The following SLC12A2 variants were observed in gnomAD, a reference collection of about 807,000 sequenced individuals.
SLC12A2 encodes Na-K-2Cl cotransporter 1.
A neutral mutation model predicts 136.3 loss-of-function variants in SLC12A2; 67 were observed. The ratio of observed to expected loss-of-function variants is 0.49; its 90% CI spans 0.40 to 0.60. The LOEUF is 0.60. Among genes scored for constraint, SLC12A2 ranks in the 20% least tolerant of loss-of-function variants. SLC12A2 has a pLI of 0.00. For missense variants in SLC12A2, 1,322 were observed against 1,534.7 expected, an observed-to-expected ratio of 0.86 and a Z score of 2.32; for synonymous variants, 619 against 562.9, an observed-to-expected ratio of 1.10 and a Z score of -1.41.
At chr5:128,147,010 A>G (rs1762549341) in intron 10 of SLC12A2, among the ~76,000 whole-genome samples, 1 of 151,690 alleles carries the variant, frequency 6.6e-6, no homozygotes, top group East Asian at 1.9e-4. Context: ...AAAATAATAA[A>G]AGGAAAAGGA....
intron 10 of SLC12A2, among the ~76,000 whole-genome samples, chr5:128,142,334 G>A (rs1245269642): frequency 6.6e-6 from 1 of 151,986 alleles, no homozygotes; most frequent in African/African-American, 2.4e-5. Flanking sequence ...AACTCCTGAC[G>A]TCAAGTGATC....
intron 10 of SLC12A2, among the ~76,000 whole-genome samples, chr5:128,145,811 T>TAGAAAC (rs1762514313): frequency 6.6e-6 from 1 of 152,026 alleles, no homozygotes; most frequent in African/African-American, 2.4e-5. Context: ...AAGTGTGTGA[T>TAGAAAC]AGAAACAGCT....
chr5:128,148,730 C>A, intron 11 of SLC12A2, 24 bp from the exon 12 acceptor site: 12 of 1,550,902 alleles, frequency 7.7e-6, no homozygotes, highest in Non-Finnish European at 1.0e-5. Flanking sequence ...TAATATGTTT[C>A]ATTTTAATGT....
At chr5:128,112,386 G>A (rs2126669701) in intron 1 of SLC12A2, among the ~76,000 whole-genome samples, 1 of 152,296 alleles carries the variant, frequency 6.6e-6, no homozygotes, top group African/African-American at 2.4e-5. Flanking sequence ...ATATTCGTTG[G>A]TGATGAAGAG....
At chr5:128,128,821 CCT>C (rs1309144525) in intron 4 of SLC12A2, among the ~76,000 whole-genome samples, 1 of 144,902 alleles carries the variant, frequency 6.9e-6, no homozygotes, top group Non-Finnish European at 1.5e-5. Context: ...AAAAAAAAAA[CCT>C]CTAGGAAATA....
At chr5:128,087,949 C>G (rs998334439) in intron 1 of SLC12A2, among the ~76,000 whole-genome samples, 1 of 150,140 alleles carries the variant, frequency 6.7e-6, no homozygotes. Flanking sequence ...TGAGGCTATT[C>G]TGTTTCAGTA....
chr5:128,144,640 T>C (rs1228117748), intron 10 of SLC12A2, among the ~76,000 whole-genome samples: 1 of 152,198 alleles, frequency 6.6e-6, no homozygotes. Flanking sequence ...TACCTCTTCT[T>C]AAGCCTCACT....
chr5:128,094,195 T>C (rs998418788), intron 1 of SLC12A2, among the ~76,000 whole-genome samples: 1 of 151,072 alleles, frequency 6.6e-6, no homozygotes, highest in Non-Finnish European at 1.5e-5. Flanking sequence ...AGAAGCTGAC[T>C]TTGTGATTGA....
In SLC12A2 at chr5:128,084,407, G is replaced by T. The variant is rs868368318; in HGVS notation, c.453G>T (p.Ser151=). ...VNFVDPAASS[S]AEDSLSDAAG... is the part of the protein sequence containing the mutation. ...TCGTGGACCCAGCTGCCTCCTCGTCGGCTGAAGACAGCCTGTCAGATGCTG... is the reference window on the plus strand; with the variant it reads ...TCGTGGACCCAGCTGCCTCCTCGTCTGCTGAAGACAGCCTGTCAGATGCTG... The change falls in exon 1 of 27, where the codon TCG becomes TCT. Residue 151 remains serine (S), a synonymous_variant. Transcript: ENST00000262461. This position sits in a 1 kb window ranked among gnomAD's most constrained non-coding sequence, Gnocchi z 5.6. The T allele has an allele frequency of 6.2e-7, 1 of 1,611,162 alleles. No individual in the cohort carries two copies. Among genetic ancestry groups the T allele is most frequent in the African/African-American group, 1.3e-5 (1 of 74,896 alleles).
intron 18 of SLC12A2, chr5:128,170,806 A>G (rs942364609): frequency 6.6e-6 from 1 of 152,088 alleles, no homozygotes; most frequent in Non-Finnish European, 1.5e-5. Context: ...GGATGCTCTC[A>G]TTTCTGTTTT....
Position 128,166,803 on chromosome 5 carries a change from C to A in SLC12A2, c.2617-958C>A, listed in dbSNP as rs185478480. On this transcript the variant is annotated intron_variant, in intron 17 of 26. Transcript: ENST00000262461. ...GTACACTTAAAAATGGTTAAAATGA[C>A]AATTTTTTTTATTTATCTTTTGCTA... Among the ~76,000 whole-genome samples the A allele has an allele frequency of 7.2e-5, 11 of 152,032 alleles. No homozygotes were observed. In the East Asian group the frequency reaches 2.1e-3, roughly 29 times the overall value.
At chr5:128,151,612 TA>T (rs1762705662) in intron 14 of SLC12A2, among the ~76,000 whole-genome samples, 1 of 152,102 alleles carries the variant, frequency 6.6e-6, no homozygotes, top group Non-Finnish European at 1.5e-5. Flanking sequence ...TGAGATTTTT[TA>T]TTCTGGTTTC....
intron 7 of SLC12A2, among the ~76,000 whole-genome samples, chr5:128,136,757 T>TA (rs1450166221): frequency 6.6e-6 from 1 of 152,156 alleles, no homozygotes; most frequent in Non-Finnish European, 1.5e-5. Context: ...ACAACTATTA[T>TA]AGTGCTGACC....
At chr5:128,181,197 A>AT (rs960793684) in intron 23 of SLC12A2, among the ~76,000 whole-genome samples, 18 of 152,108 alleles carry the variant, frequency 1.2e-4, no homozygotes, top group Admixed American at 3.9e-4. Flanking sequence ...CTTAGATATA[A>AT]TTTTTTTTAA....
intron 4 of SLC12A2, among the ~76,000 whole-genome samples, chr5:128,129,496 G>A (rs1322331630): frequency 6.7e-6 from 1 of 150,214 alleles, no homozygotes; most frequent in African/African-American, 2.4e-5. Context: ...TTCATTTTCA[G>A]GATCATGAAA....
chr5:128,154,380 A>G (rs376859805), intron 15 of SLC12A2, among the ~76,000 whole-genome samples: 1 of 151,942 alleles, frequency 6.6e-6, no homozygotes, highest in South Asian at 2.1e-4. Flanking sequence ...TTGTACCACT[A>G]CATGCTAGCC....
intron 9 of SLC12A2, among the ~76,000 whole-genome samples, chr5:128,140,545 A>G (rs1245186734): frequency 3.3e-5 from 5 of 152,202 alleles, no homozygotes; most frequent in African/African-American, 2.4e-5. Flanking sequence ...TTTTTATTTT[A>G]CCGTCTAACA....
Position 128,114,715 on chromosome 5 carries a change from A to C in SLC12A2, c.1048+34A>C, listed in dbSNP as rs370981119. 6.0e-5 allele frequency: 75 copies of C among 1,247,170 alleles called. No individual in the cohort carries two copies. In the African/African-American group the frequency reaches 9.9e-4, roughly 16 times the overall value. 77.3% of individuals were successfully genotyped at this position (1,247,170 alleles called of 1,614,324 possible). On this transcript the variant is annotated intron_variant, in intron 4 of 26. Coordinates refer to ENST00000262461, the MANE Select transcript of SLC12A2 (RefSeq NM_001046.3). ...AATCTTTTTGAATCATCATCATCAG[A>C]TTACTCTTACTAAACAGAGGTCTAA...
chr5:128,095,875 G>C (rs1172256202), intron 1 of SLC12A2, among the ~76,000 whole-genome samples: 1 of 152,062 alleles, frequency 6.6e-6, no homozygotes, highest in Non-Finnish European at 1.5e-5. Context: ...AGACCATGTT[G>C]AGTCTTTGAT....
Sources: gnomAD v4.1 joint callset for allele counts (sites outside exome capture counted in the v4.1 genomes callset) on GRCh38, gnomAD v4.1.1 for gene constraint, Gnocchi (gnomAD v3.1) non-coding constraint, MANE v1.5 for transcripts, NCBI Gene and HGNC (gene_info 2026-07-23, HGNC 2026-07-21) for gene names.